The following KCNH8 variants were observed in gnomAD, a reference collection of about 807,000 sequenced individuals.
KCNH8 encodes the protein voltage-gated delayed rectifier potassium channel KCNH8.
Under a neutral mutation model 103.6 loss-of-function variants are expected in KCNH8, and 70 were observed. The ratio of observed to expected loss-of-function variants is 0.68; its 90% CI spans 0.56 to 0.82. The LOEUF (loss-of-function observed/expected upper bound fraction) is 0.82, where lower values mean the gene tolerates loss of function less well. KCNH8 is among the 40% of genes least tolerant of loss of function. The probability of loss-of-function intolerance (pLI) is 0.00; values close to 1 mark genes in which losing one functional copy is unlikely to be tolerated. For synonymous variants in KCNH8, 498 were observed against 489.4 expected (o/e 1.02, Z -0.23); for missense variants, 1,217 against 1,329.9 (o/e 0.92, Z 1.32).
intron 5 of KCNH8, among the ~76,000 whole-genome samples, chr3:19,377,434 G>A (rs1422743060): frequency 2.0e-5 from 3 of 152,174 alleles, no homozygotes; most frequent in Non-Finnish European, 2.9e-5. Flanking sequence ...GGTGGTTATA[G>A]CCATTTAAAT....
intron 1 of KCNH8, among the ~76,000 whole-genome samples, chr3:19,242,991 T>TTGC (rs1185165191): frequency 1.1e-4 from 16 of 152,220 alleles, no homozygotes; most frequent in Non-Finnish European, 1.5e-5. Context: ...ATGGTTTAAC[T>TTGC]TGCTGTTTAG....
chr3:19,345,076 C>T (rs2065711804), intron 4 of KCNH8, among the ~76,000 whole-genome samples: 1 of 152,068 alleles, frequency 6.6e-6, no homozygotes, highest in Non-Finnish European at 1.5e-5. Context: ...CAGGATGCAA[C>T]ATATTTTAGT....
Position 19,347,890 on chromosome 3 carries a change from A to G in KCNH8, c.736A>G (p.Ile246Val). 1 of 1,613,354 alleles carries G rather than the reference A, an allele frequency of 6.2e-7. No individual in the cohort carries two copies. The highest frequency in any genetic ancestry group is 8.5e-7 in the Non-Finnish European group (1 of 1,179,502). Residue 246 changes from isoleucine (I) to valine (V), a missense_variant, in exon 5 of 16, where the codon ATT becomes GTT. By Grantham distance (29) the Ile-to-Val change is conservative. Transcript: ENST00000328405. ...AVTVPYNVCF[I>V]GNDDLSTTRS... Reference sequence around the variant, plus strand: ...GACTGTACCTTACAACGTTTGCTTTATTGGCAATGACGACCTGTCCACAAC... The same window carrying G: ...GACTGTACCTTACAACGTTTGCTTTGTTGGCAATGACGACCTGTCCACAAC...
chr3:19,416,877 G>C (rs988745965), intron 7 of KCNH8, among the ~76,000 whole-genome samples: 1 of 152,046 alleles, frequency 6.6e-6, no homozygotes, highest in Non-Finnish European at 1.5e-5. Context: ...CCCATAAGCT[G>C]GTAGGTAAAT....
chr3:19,149,772 C>G (rs1046491701), intron 1 of KCNH8, among the ~76,000 whole-genome samples: 1 of 152,182 alleles, frequency 6.6e-6, no homozygotes, highest in Non-Finnish European at 1.5e-5. Context: ...CACTGTCTTC[C>G]ATTTTTCTGT....
intron 1 of KCNH8, among the ~76,000 whole-genome samples, chr3:19,180,701 GTTTGTTTGT>G (rs1433115565): frequency 6.6e-6 from 1 of 151,464 alleles, no homozygotes. Context: ...TTGTTTTTTT[GTTTGTTTGT>G]TTGGTTTGGT....
chr3:19,363,707 G>C (rs189827522), intron 5 of KCNH8, among the ~76,000 whole-genome samples: 7 of 152,162 alleles, frequency 4.6e-5, no homozygotes, highest in Admixed American at 3.3e-4. Context: ...CCCCAAAAAG[G>C]TACTTTAATT....
intron 3 of KCNH8, among the ~76,000 whole-genome samples, chr3:19,325,902 G>A (rs2065416346): frequency 6.6e-6 from 1 of 152,102 alleles, no homozygotes; most frequent in Non-Finnish European, 1.5e-5. Context: ...GTTCATTGAA[G>A]CATTATTCGC....
At chr3:19,491,710 T>C (rs1229426295) in intron 11 of KCNH8, among the ~76,000 whole-genome samples, 1 of 152,226 alleles carries the variant, frequency 6.6e-6, no homozygotes, top group Non-Finnish European at 1.5e-5. Context: ...CGCCCAGTAA[T>C]GGAATTGCTG....
At chr3:19,327,567 G>C (rs1005619428) in intron 3 of KCNH8, among the ~76,000 whole-genome samples, 1 of 152,166 alleles carries the variant, frequency 6.6e-6, no homozygotes, top group African/African-American at 2.4e-5. Context: ...TGGGATTACA[G>C]GCCTGAGCCA....
chr3:19,404,116 A>T (rs1289278415), intron 7 of KCNH8, among the ~76,000 whole-genome samples: 2 of 151,946 alleles, frequency 1.3e-5, no homozygotes, highest in Non-Finnish European at 2.9e-5. Context: ...CCAAGTTACA[A>T]GAGAAAACTA....
chr3:19,345,577 CAT>C (rs1205847224), intron 4 of KCNH8, among the ~76,000 whole-genome samples: 1 of 152,014 alleles, frequency 6.6e-6, no homozygotes. Context: ...TTATAAATAA[CAT>C]GTCTTTCCCC....
intron 5 of KCNH8, among the ~76,000 whole-genome samples, chr3:19,352,885 G>C (rs185723810): frequency 1.6e-4 from 24 of 151,900 alleles, no homozygotes; most frequent in Non-Finnish European, 3.1e-4. Context: ...ACTAAAATCA[G>C]AGCAGAGCTA....
chr3:19,322,213 C>T (rs750215271), intron 3 of KCNH8, among the ~76,000 whole-genome samples: 7 of 151,968 alleles, frequency 4.6e-5, no homozygotes, highest in Non-Finnish European at 1.0e-4. Flanking sequence ...ATGTGAGGTA[C>T]TATTCTATTC....
intron 15 of KCNH8, among the ~76,000 whole-genome samples, chr3:19,518,303 C>T (rs2068910389): frequency 6.6e-6 from 1 of 152,026 alleles, no homozygotes; most frequent in Non-Finnish European, 1.5e-5. Context: ...ATAATGCCTG[C>T]CTTATGGCCC....
chr3:19,472,244 G>C (rs1482079896), intron 11 of KCNH8, among the ~76,000 whole-genome samples: 1 of 118,102 alleles, frequency 8.5e-6, no homozygotes, highest in Non-Finnish European at 1.8e-5. Context: ...GTGTGTGTGT[G>C]TGTTAATGTC....
At position 19,347,880 on chromosome 3, in the gene KCNH8, C is replaced by T. The variant is rs143270392; in HGVS notation, c.726C>T (p.Asn242=). ...TFYVAVTVPY[N]VCFIGNDDLS... ...ATGTTGCTGTGACTGTACCTTACAACGTTTGCTTTATTGGCAATGACGACC... is the reference window on the plus strand; with the variant it reads ...ATGTTGCTGTGACTGTACCTTACAATGTTTGCTTTATTGGCAATGACGACC... The change falls in exon 5 of 16, where the codon AAC becomes AAT. Residue 242 remains asparagine, a synonymous_variant. Coordinates refer to ENST00000328405, the MANE Select transcript of KCNH8 (RefSeq NM_144633.3). The T allele has an allele frequency of 1.8e-5, 29 of 1,613,284 alleles. No homozygotes were observed. The highest frequency in any genetic ancestry group is 4.4e-5 in the South Asian group (4 of 91,070).
chr3:19,222,363 T>C (rs2063884986), intron 1 of KCNH8, among the ~76,000 whole-genome samples: 1 of 152,220 alleles, frequency 6.6e-6, no homozygotes, highest in Non-Finnish European at 1.5e-5. Flanking sequence ...ATTCTACATA[T>C]ATAATAGATA....
chr3:19,375,893 G>T (rs1030435281), intron 5 of KCNH8, among the ~76,000 whole-genome samples: 1 of 152,182 alleles, frequency 6.6e-6, no homozygotes, highest in Non-Finnish European at 1.5e-5. Flanking sequence ...CCCTTGCTGG[G>T]GGGTGCCTCC....
Sources: gnomAD v4.1 joint callset for allele counts (sites outside exome capture counted in the v4.1 genomes callset) on GRCh38, gnomAD v4.1.1 for gene constraint, MANE v1.5 for transcripts, NCBI Gene and HGNC (gene_info 2026-07-23, HGNC 2026-07-21) for gene names.